Variants in NRG1 observed in about 807,000 individuals in gnomAD.
NRG1 encodes neuregulin 1, also known as pro-neuregulin-1, membrane-bound isoform.
A neutral mutation model predicts 63.8 loss-of-function variants in NRG1; 18 were observed. That is an observed-to-expected ratio of 0.28 (90% confidence interval 0.19 to 0.42). NRG1 has a LOEUF of 0.42. Among genes scored for constraint, NRG1 ranks in the 10% least tolerant of loss-of-function variants. NRG1 has a pLI of 1.00. For missense variants in NRG1, 762 were observed against 814.7 expected (o/e 0.94, Z 0.79); for synonymous variants, 302 against 301.3 (o/e 1.00, Z -0.02).
chr8:31,693,549 T>C (rs1206232582), intron 1 of NRG1, among the ~76,000 whole-genome samples: 2 of 151,942 alleles, frequency 1.3e-5, no homozygotes, highest in East Asian at 3.9e-4. Flanking sequence ...AAATGAGGCA[T>C]ATGCTGTTTC....
chr8:32,127,154 T>G (rs1834181812), intron 1 of NRG1, among the ~76,000 whole-genome samples: 2 of 151,924 alleles, frequency 1.3e-5, no homozygotes, highest in South Asian at 4.1e-4. Flanking sequence ...CTTTGACTCT[T>G]TAGCTGAAAG....
chr8:31,949,431 T>A (rs895938706), intron 1 of NRG1, among the ~76,000 whole-genome samples: 1 of 152,176 alleles, frequency 6.6e-6, no homozygotes, highest in African/African-American at 2.4e-5. Context: ...GCCACTGCCA[T>A]CAAAATGAAA....
At chr8:32,198,297 C>T (rs142358544) in intron 1 of NRG1, among the ~76,000 whole-genome samples, 7,065 of 152,250 alleles carry the variant, frequency 0.046, 240 homozygotes, top group Middle Eastern at 0.099. Context: ...CCTGCCTCAG[C>T]CTCTCGAGTA....
At chr8:32,173,994 T>C (rs530631530) in intron 1 of NRG1, among the ~76,000 whole-genome samples, 7 of 152,234 alleles carry the variant, frequency 4.6e-5, no homozygotes, top group African/African-American at 1.4e-4. Context: ...GCAGACCTAA[T>C]AGACATCTAC....
intron 3 of NRG1, among the ~76,000 whole-genome samples, chr8:32,614,165 A>G (rs766140511): frequency 1.3e-5 from 2 of 152,084 alleles, no homozygotes; most frequent in Non-Finnish European, 2.9e-5. Context: ...CAGCTTGGCA[A>G]TCCGATAGCT....
In NRG1 at chr8:32,720,216, ATTTGT is replaced by A. The variant is rs1820275141; in HGVS notation, c.503-7728_503-7724del. Among the ~76,000 whole-genome samples, 4 of 152,086 alleles carry A rather than the reference ATTTGT, an allele frequency of 2.6e-5. No homozygotes were observed. In the South Asian group the frequency reaches 8.3e-4, roughly 32 times the overall value. On this transcript the variant is annotated intron_variant, in intron 5 of 11. Coordinates refer to ENST00000356819, the Ensembl canonical transcript of NRG1. ...TGGATGTTCAGTCCTCTTTGTTTTG[ATTTGT>A]TTTGCTTGGTACGAAAGATTTGACT...
At chr8:32,688,290 A>G (rs1810710524) in intron 5 of NRG1, among the ~76,000 whole-genome samples, 2 of 152,172 alleles carry the variant, frequency 1.3e-5, no homozygotes, top group South Asian at 4.1e-4. Context: ...TTCCCACGTA[A>G]GCCGCTCAAC....
At chr8:32,099,317 G>A (rs1293298098) in intron 1 of NRG1, 4 of 152,248 alleles carry the variant, frequency 2.6e-5, no homozygotes, top group African/African-American at 2.4e-5. Flanking sequence ...GGACCATGAA[G>A]AAAGGCAGAC....
At chr8:32,049,885 G>T (rs548819085) in intron 1 of NRG1, among the ~76,000 whole-genome samples, 2 of 152,256 alleles carry the variant, frequency 1.3e-5, no homozygotes, top group African/African-American at 4.8e-5. Flanking sequence ...CCTTCTCAGT[G>T]CTATGAGTAT....
At chr8:31,865,127 G>A (rs1463418656) in intron 1 of NRG1, among the ~76,000 whole-genome samples, 1 of 151,996 alleles carries the variant, frequency 6.6e-6, no homozygotes, top group Non-Finnish European at 1.5e-5. Context: ...CACCACTGCT[G>A]GCTTTAAGGA....
intron 2 of NRG1, among the ~76,000 whole-genome samples, chr8:32,600,520 T>C (rs1844157249): frequency 2.0e-5 from 3 of 152,154 alleles, no homozygotes; most frequent in Admixed American, 2.0e-4. Context: ...GAATTCACCT[T>C]GTAAGTGAGC....
intron 1 of NRG1, among the ~76,000 whole-genome samples, chr8:32,027,910 T>A (rs919169920): frequency 6.6e-6 from 1 of 152,192 alleles, no homozygotes; most frequent in Non-Finnish European, 1.5e-5. Flanking sequence ...TAGGAGCAGC[T>A]AAACTAAACT....
At chr8:32,620,902 C>G (rs1238539591) in intron 5 of NRG1, among the ~76,000 whole-genome samples, 2 of 151,820 alleles carry the variant, frequency 1.3e-5, no homozygotes, top group Non-Finnish European at 2.9e-5. Context: ...ACTCACCTAC[C>G]CTTCTACCTA....
At chr8:32,224,661 T>C (rs1846148255) in intron 1 of NRG1, among the ~76,000 whole-genome samples, 1 of 152,166 alleles carries the variant, frequency 6.6e-6, no homozygotes. Flanking sequence ...AAGTCTGTCA[T>C]TGCTCTCTCT....
chr8:32,417,286 C>G (rs978812422), intron 1 of NRG1, among the ~76,000 whole-genome samples: 2 of 152,122 alleles, frequency 1.3e-5, no homozygotes, highest in African/African-American at 2.4e-5. Context: ...GGTAACTAAA[C>G]AGCATAGGTA....
At chr8:32,646,595 C>G (rs569639037) in intron 5 of NRG1, 4 of 755,086 alleles carry the variant, frequency 5.3e-6, no homozygotes, top group Non-Finnish European at 4.8e-6. Context: ...TAGCATCGAT[C>G]GCTGGCTTTC....
chr8:32,289,722 T>C (rs987867812), intron 1 of NRG1, among the ~76,000 whole-genome samples: 12 of 152,288 alleles, frequency 7.9e-5, no homozygotes, highest in Admixed American at 5.9e-4. Flanking sequence ...ACTTAACAAA[T>C]GAGATACTCA....
Position 32,756,592 on chromosome 8 carries a change from T to G in NRG1, c.921+63T>G, listed in dbSNP as rs1017682668. On this transcript the variant is annotated intron_variant, in intron 9 of 11. Transcript: ENST00000356819. ...TCTCCTTTGTTCAGACGCCTTGAAG[T>G]TTATTTTCGAAAGCTCTTAAGCTTT... The G allele has an allele frequency of 2.1e-5, 32 of 1,523,092 alleles. No homozygotes were observed. The Admixed American group carries it at 6.9e-4, about 33-fold the overall frequency. The allele number at this position is 1,523,092 out of a possible 1,614,324, so 94.3% of individuals were successfully genotyped here. A position where few individuals can be genotyped will look rare whatever the true frequency, so the allele number is the denominator to read the frequency against.
chr8:32,305,166 CTG>C (rs1353378978), intron 1 of NRG1, among the ~76,000 whole-genome samples: 71 of 152,130 alleles, frequency 4.7e-4, no homozygotes, highest in African/African-American at 1.6e-3. Flanking sequence ...TCAAATAAGA[CTG>C]TATTTTTTTA....
Sources: allele counts gnomAD v4.1 joint callset (sites outside exome capture counted in the v4.1 genomes callset), GRCh38; gene constraint gnomAD v4.1.1; transcripts MANE v1.5; gene names NCBI Gene and HGNC (gene_info 2026-07-23, HGNC 2026-07-21).